Variants in USP28 observed in about 807,000 individuals in gnomAD.
USP28 encodes the protein ubiquitin specific peptidase 28.
In USP28, 113 loss-of-function variants were observed where a neutral mutation model predicts 145.0. The observed-to-expected ratio is 0.78, with a 90% CI of 0.67 to 0.91. The LOEUF (loss-of-function observed/expected upper bound fraction) is 0.91, where lower values mean the gene tolerates loss of function less well. Ranked by LOEUF, USP28 falls within the 40% of genes least tolerant of loss-of-function variation. The pLI is 0.00. For synonymous variants in USP28, 447 were observed against 450.9 expected, an observed-to-expected ratio of 0.99 and a Z score of 0.11; for missense variants, 1,201 against 1,289.6, an observed-to-expected ratio of 0.93 and a Z score of 1.05.
At chr11:113,803,100 C>T in intron 23 of USP28, 58 bp downstream of exon 24, 1 of 1,506,762 alleles carries the variant, frequency 6.6e-7, no homozygotes, top group Non-Finnish European at 8.9e-7. Flanking sequence ...ATTTTCCTGG[C>T]TTCAAGGAGC....
intron 1 of USP28, among the ~76,000 whole-genome samples, chr11:113,861,202 G>A (rs1947659930): frequency 1.3e-5 from 2 of 151,260 alleles, no homozygotes; most frequent in South Asian, 4.2e-4. Flanking sequence ...AACAAGGAAT[G>A]GCCCTCAAAA....
intron 16 of USP28, 82 bp from the exon 17 acceptor site, chr11:113,809,336 AT>A: frequency 7.4e-7 from 1 of 1,347,888 alleles, no homozygotes; most frequent in South Asian, 1.4e-5. Flanking sequence ...AGGGTATTTC[AT>A]CTTTATCTTA....
intron 1 of USP28, among the ~76,000 whole-genome samples, chr11:113,873,074 G>A (rs184005091): frequency 6.6e-6 from 1 of 152,170 alleles, no homozygotes; most frequent in South Asian, 2.1e-4. Flanking sequence ...GGGAAGGATA[G>A]CTCTCCTCAA....
At chr11:113,834,156 G>A (rs923875892) in intron 6 of USP28, 93 bp downstream of exon 6, 1 of 871,574 alleles carries the variant, frequency 1.1e-6, no homozygotes, top group Non-Finnish European at 1.8e-6. Context: ...AAGCCAAAGA[G>A]TATCACGGAT....
At chr11:113,868,568 T>G (rs1712632705) in intron 1 of USP28, among the ~76,000 whole-genome samples, 1 of 152,174 alleles carries the variant, frequency 6.6e-6, no homozygotes, top group East Asian at 1.9e-4. Flanking sequence ...GGTCATAAGC[T>G]GCATTTCTCA....
chr11:113,815,911 G>C (rs535588339), intron 13 of USP28, among the ~76,000 whole-genome samples: 3 of 152,168 alleles, frequency 2.0e-5, no homozygotes, highest in Non-Finnish European at 4.4e-5. Flanking sequence ...TACACACTAG[G>C]TGACACCTTG....
At chr11:113,850,449 T>C (rs1469282472) in intron 3 of USP28, among the ~76,000 whole-genome samples, 1 of 152,210 alleles carries the variant, frequency 6.6e-6, no homozygotes, top group African/African-American at 2.4e-5. Flanking sequence ...ATCCTCAGCA[T>C]GGGTGAGTCT....
chr11:113,832,796 G>T (rs772635790), intron 7 of USP28, among the ~76,000 whole-genome samples: 7 of 152,056 alleles, frequency 4.6e-5, no homozygotes, highest in Admixed American at 2.6e-4. Flanking sequence ...TCAGAGACGG[G>T]GTCTCACTCT....
At chr11:113,857,341 T>C (rs1009005300) in intron 1 of USP28, among the ~76,000 whole-genome samples, 5 of 152,212 alleles carry the variant, frequency 3.3e-5, no homozygotes, top group African/African-American at 9.6e-5. Flanking sequence ...CAAGAAAATC[T>C]GAAACTGTAA....
chr11:113,811,516 C>T (rs905966687), intron 16 of USP28, among the ~76,000 whole-genome samples: 7 of 152,026 alleles, frequency 4.6e-5, no homozygotes, highest in East Asian at 1.9e-4. Flanking sequence ...GGTGAAACAC[C>T]GTTTCTACTA....
chr11:113,817,600 A>G, intron 13 of USP28, 58 bp downstream of exon 13: 1 of 1,561,790 alleles, frequency 6.4e-7, no homozygotes. Context: ...GATGGTGCAT[A>G]GTTTAAATTA....
chr11:113,860,243 T>G (rs1273834187), intron 1 of USP28, among the ~76,000 whole-genome samples: 1 of 152,162 alleles, frequency 6.6e-6, no homozygotes, highest in Admixed American at 6.5e-5. Context: ...AGTGATGCTA[T>G]TTTCATCATT....
intron 23 of USP28, among the ~76,000 whole-genome samples, chr11:113,802,829 CTGAG>C (rs1255914440): frequency 1.3e-5 from 2 of 152,124 alleles, no homozygotes; most frequent in Non-Finnish European, 2.9e-5. Flanking sequence ...GAGGAAATGG[CTGAG>C]TGAGAAAAGG....
chr11:113,812,599 T>C (rs1298149771), intron 15 of USP28, 95 bp from the exon 16 acceptor site: 2 of 1,088,934 alleles, frequency 1.8e-6, no homozygotes, highest in Non-Finnish European at 2.7e-6. Context: ...ATGTGATTAA[T>C]GTGGGGTTCA....
chr11:113,820,954 T>G (rs1294911808), intron 12 of USP28: 2 of 162,314 alleles, frequency 1.2e-5, no homozygotes, highest in Non-Finnish European at 2.7e-5. Context: ...GAGGAATGCC[T>G]ATTTTCCCAA....
Position 113,803,290 on chromosome 11 carries a change from A to C in USP28, c.2739-9T>G. ...AAAGTGCCTCTTGGTACCTTAGAAA[A>C]ATGGGAGATAAACAACAGCTGAGTG... On this transcript the variant is annotated splice_polypyrimidine_tract_variant and intron_variant, in intron 22 of 24. Coordinates refer to ENST00000003302, the Ensembl canonical transcript of USP28. The C allele has an allele frequency of 6.2e-7, 1 of 1,600,058 alleles. No individual in the cohort carries two copies. The highest frequency in any genetic ancestry group is 8.5e-7 in the Non-Finnish European group (1 of 1,175,076).
chr11:113,875,301 T>C (rs1949263974), intron 1 of USP28, 144 bp downstream of exon 1: 1 of 574,804 alleles, frequency 1.7e-6, no homozygotes, highest in African/African-American at 2.0e-5. Flanking sequence ...CTTGGCCTTC[T>C]CACCCACGCT....
At chr11:113,806,512 C>T in exon 19 of USP28, 1 of 1,611,594 alleles carries the variant, frequency 6.2e-7, no homozygotes, top group Non-Finnish European at 8.5e-7. Context: ...GCTTCAGACC[C>T]ATCTCGGTCA....
chr11:113,835,178 T>C, intron 5 of USP28: 1 of 425,320 alleles, frequency 2.4e-6, no homozygotes, highest in South Asian at 1.7e-5. Context: ...TTTTATTATT[T>C]GCAAATCACA....
Sources: allele counts gnomAD v4.1 joint callset (sites outside exome capture counted in the v4.1 genomes callset), GRCh38; gene constraint gnomAD v4.1.1; transcripts MANE v1.5; gene names NCBI Gene and HGNC (gene_info 2026-07-23, HGNC 2026-07-21).